GLMN: variants seen among roughly 807,000 people sequenced by gnomAD.
GLMN encodes glomulin.
In GLMN, 75 loss-of-function variants were observed where a neutral mutation model predicts 87.8. That is an observed-to-expected ratio of 0.85 (90% CI 0.71 to 1.04). The LOEUF is 1.04. Among genes scored for constraint, GLMN ranks in the 50% least tolerant of loss-of-function variants. The pLI is 0.00. For synonymous variants in GLMN, 206 were observed against 221.6 expected (o/e 0.93, Z 0.63); for missense variants, 588 against 658.8 (o/e 0.89, Z 1.18).
chr1:92,347,332 T>C, the GLMN span, among the ~76,000 whole-genome samples: 3 of 150,404 alleles, frequency 2.0e-5, no homozygotes, highest in Non-Finnish European at 4.4e-5. Flanking sequence ...AAAGAAAATA[T>C]CAGTATCTCT....
At chr1:92,344,726 T>G in the GLMN span, among the ~76,000 whole-genome samples, 1 of 152,210 alleles carries the variant, frequency 6.6e-6, no homozygotes, top group Non-Finnish European at 1.5e-5. Context: ...AGGCACTATT[T>G]CTTCCCATCC....
At chr1:92,283,941 C>T (rs1414674213) in intron 7 of GLMN, among the ~76,000 whole-genome samples, 1 of 152,084 alleles carries the variant, frequency 6.6e-6, no homozygotes, top group African/African-American at 2.4e-5. Context: ...TCAAGGAGAA[C>T]TACAAACCAC....
chr1:92,320,158 CTT>C, the GLMN span, among the ~76,000 whole-genome samples: 682 of 152,164 alleles, frequency 4.5e-3, 3 homozygotes, highest in African/African-American at 0.016. Context: ...TCAAGGAAAA[CTT>C]TATTGGGCTG....
chr1:92,258,965 T>A (rs1570861012), intron 16 of GLMN, among the ~76,000 whole-genome samples: 1 of 152,168 alleles, frequency 6.6e-6, no homozygotes, highest in East Asian at 1.9e-4. Context: ...TATGTGTATT[T>A]ATTATACAAG....
the GLMN span, among the ~76,000 whole-genome samples, chr1:92,319,410 A>T: frequency 7.2e-5 from 11 of 152,232 alleles, no homozygotes; most frequent in South Asian, 2.1e-3. Context: ...ATTAGTAGCT[A>T]CATCGTTGTT....
chr1:92,304,319 C>G, the GLMN span: 1 of 1,519,576 alleles, frequency 6.6e-7, no homozygotes, highest in African/African-American at 1.4e-5. Flanking sequence ...CTACCAAAAC[C>G]AATAAAGTCT....
the GLMN span, among the ~76,000 whole-genome samples, chr1:92,316,991 A>C: frequency 6.6e-6 from 1 of 152,184 alleles, no homozygotes; most frequent in African/African-American, 2.4e-5. Flanking sequence ...AAAATTACAC[A>C]AAGGAGAAGA....
chr1:92,297,339 A>T (rs936658068), intron 3 of GLMN, 65 bp downstream of exon 3: 1 of 1,588,268 alleles, frequency 6.3e-7, no homozygotes, highest in Admixed American at 1.7e-5. Flanking sequence ...AAATGACTGG[A>T]TGAATAGCAT....
Position 92,266,744 on chromosome 1 carries a change from G to A in GLMN, c.1099-3C>T, listed in dbSNP as rs1454200606. 1 of 1,594,308 alleles carries A rather than the reference G, an allele frequency of 6.3e-7. No individual in the cohort carries two copies. Among genetic ancestry groups the A allele is most frequent in the African/African-American group, 1.3e-5 (1 of 74,398 alleles). ...AGTGTCATTACTTTCACTAAGCCCT[G>A]GAAATAAAAAAATGTAAAATTCAGA... On this transcript the variant is annotated splice_polypyrimidine_tract_variant and splice_region_variant and intron_variant, in intron 11 of 18. Transcript: ENST00000370360.
At chr1:92,270,269 C>T (rs184001854) in intron 8 of GLMN, among the ~76,000 whole-genome samples, 1 of 152,306 alleles carries the variant, frequency 6.6e-6, no homozygotes, top group East Asian at 1.9e-4. Context: ...AGTTAATATA[C>T]ATATGCTGTA....
intron 16 of GLMN, among the ~76,000 whole-genome samples, chr1:92,251,065 A>G (rs991749373): frequency 6.6e-6 from 1 of 152,230 alleles, no homozygotes; most frequent in Non-Finnish European, 1.5e-5. Context: ...CATAAGTGGA[A>G]TTAAAACTCT....
At chr1:92,316,316 A>T in the GLMN span, among the ~76,000 whole-genome samples, 3 of 152,214 alleles carry the variant, frequency 2.0e-5, no homozygotes, top group East Asian at 5.8e-4. Context: ...CTGAACAGCC[A>T]CCTCTGTTGC....
the GLMN span, among the ~76,000 whole-genome samples, chr1:92,347,817 A>G: frequency 6.6e-6 from 1 of 152,170 alleles, no homozygotes; most frequent in Non-Finnish European, 1.5e-5. Flanking sequence ...TTCAAGAGTC[A>G]GTGACCCATA....
At chr1:92,257,175 C>T (rs1387411046) in intron 16 of GLMN, among the ~76,000 whole-genome samples, 3 of 152,070 alleles carry the variant, frequency 2.0e-5, no homozygotes, top group Non-Finnish European at 2.9e-5. Context: ...AATAAAATAC[C>T]TAAGAATCCA....
chr1:92,281,297 G>C (rs1490784486), intron 7 of GLMN, among the ~76,000 whole-genome samples: 1 of 152,188 alleles, frequency 6.6e-6, no homozygotes, highest in African/African-American at 2.4e-5. Flanking sequence ...AGCCAGAAGA[G>C]AGTGGGGGCC....
chr1:92,256,277 A>G (rs1473017075), intron 16 of GLMN, among the ~76,000 whole-genome samples: 4 of 152,142 alleles, frequency 2.6e-5, no homozygotes, highest in African/African-American at 9.6e-5. Flanking sequence ...ACAATAAAAA[A>G]AAAAGCCCAG....
chr1:92,308,077 C>CA, the GLMN span, among the ~76,000 whole-genome samples: 267 of 135,894 alleles, frequency 2.0e-3, no homozygotes, highest in African/African-American at 5.6e-3. Flanking sequence ...AGCTCTGGCT[C>CA]AAAAAAAAAA....
Position 92,291,431 on chromosome 1 carries a change from T to C in GLMN, c.272A>G (p.Asp91Gly), listed in dbSNP as rs747902587. The change falls in exon 4 of 19, where the codon GAT (aspartate) becomes GGT (glycine). Residue 91 changes from aspartate (D) to glycine (G), a missense_variant. By Grantham distance (94) the Asp-to-Gly change is moderately conservative. Coordinates refer to ENST00000370360, the MANE Select transcript of GLMN (RefSeq NM_053274.3). ...SKRKVYFLIFDLLVKLCNPKE... is the reference protein window; with the variant it reads ...SKRKVYFLIFGLLVKLCNPKE... ...TTGTTAACTTACCTTTACCAATAAA[T>C]CAAAGATCAAAAAATAAACTTTTCT... 6.3e-7 allele frequency: 1 copy of C among 1,581,216 alleles called. No homozygotes were observed. Among genetic ancestry groups the C allele is most frequent in the Non-Finnish European group, 8.7e-7 (1 of 1,150,122 alleles).
chr1:92,300,323 C>CTTT, upstream of GLMN: 14 of 831,488 alleles, frequency 1.7e-5, no homozygotes, highest in South Asian at 7.6e-5. Context: ...TAATGGTTAC[C>CTTT]TTTTTTTTTT....
Sources: allele counts gnomAD v4.1 joint callset (sites outside exome capture counted in the v4.1 genomes callset), GRCh38; gene constraint gnomAD v4.1.1; transcripts MANE v1.5; gene names NCBI Gene and HGNC (gene_info 2026-07-23, HGNC 2026-07-21).